The following ATP6V1G3 variants were observed in gnomAD, a reference collection of about 807,000 sequenced individuals.
The protein encoded by ATP6V1G3 is ATPase H+ transporting V1 subunit G3, also known as V-type proton ATPase subunit G 3.
A neutral mutation model predicts 9.3 loss-of-function variants in ATP6V1G3; 9 were observed. The observed-to-expected ratio is 0.97, with a 90% confidence interval of 0.59 to 1.69. ATP6V1G3 has a LOEUF of 1.69. Ranked by LOEUF, ATP6V1G3 falls within the 40% of genes most tolerant of loss-of-function variation. The probability of loss-of-function intolerance (pLI) is 0.00; values close to 1 mark genes in which losing one functional copy is unlikely to be tolerated. For synonymous variants in ATP6V1G3, 43 were observed against 43.8 expected, an observed-to-expected ratio of 0.98 and a Z score of 0.07; for missense variants, 133 against 139.0, an observed-to-expected ratio of 0.96 and a Z score of 0.22.
At chr1:198,532,903 G>A (rs1659961360) in intron 1 of ATP6V1G3, among the ~76,000 whole-genome samples, 1 of 152,140 alleles carries the variant, frequency 6.6e-6, no homozygotes, top group Non-Finnish European at 1.5e-5. Flanking sequence ...ATAGTAGCAC[G>A]ACCAGGTCAT....
intron 1 of ATP6V1G3, among the ~76,000 whole-genome samples, chr1:198,538,444 A>T (rs1322367890): frequency 1.3e-5 from 2 of 152,170 alleles, no homozygotes; most frequent in African/African-American, 4.8e-5. Context: ...ACTCGAAAAA[A>T]GGAGAAATAG....
chr1:198,535,285 C>T (rs1660062254), intron 1 of ATP6V1G3, among the ~76,000 whole-genome samples: 1 of 152,054 alleles, frequency 6.6e-6, no homozygotes, highest in African/African-American at 2.4e-5. Context: ...TATATAACAA[C>T]TTTTATTTTA....
At chr1:198,539,380 C>T (rs958993912) in intron 1 of ATP6V1G3, among the ~76,000 whole-genome samples, 2 of 152,092 alleles carry the variant, frequency 1.3e-5, no homozygotes, top group Non-Finnish European at 2.9e-5. Flanking sequence ...AAATATGGCC[C>T]CTGTTTTGCC....
chr1:198,538,689 G>T (rs1173367728), intron 1 of ATP6V1G3, among the ~76,000 whole-genome samples: 1 of 151,692 alleles, frequency 6.6e-6, no homozygotes, highest in African/African-American at 2.4e-5. Flanking sequence ...TGGATCTCTT[G>T]AGCTCAGGAG....
intron 2 of ATP6V1G3, among the ~76,000 whole-genome samples, chr1:198,524,740 G>A (rs78641455): frequency 1.1e-4 from 16 of 152,236 alleles, no homozygotes; most frequent in East Asian, 1.9e-4. Flanking sequence ...AACTCCTAAC[G>A]TATCTCCTTT....
At chr1:198,526,220 GCAGA>G (rs973829262) in intron 2 of ATP6V1G3, among the ~76,000 whole-genome samples, 1 of 152,096 alleles carries the variant, frequency 6.6e-6, no homozygotes, top group African/African-American at 2.4e-5. Flanking sequence ...CTTGATATCT[GCAGA>G]CAGAGTATTG....
At chr1:198,524,098 G>A (rs554759719) in intron 2 of ATP6V1G3, among the ~76,000 whole-genome samples, 2 of 150,304 alleles carry the variant, frequency 1.3e-5, no homozygotes, top group East Asian at 3.9e-4. Context: ...CACAATGTGC[G>A]CTCTAAGATA....
intron 2 of ATP6V1G3, among the ~76,000 whole-genome samples, chr1:198,527,189 T>G (rs1659688554): frequency 6.6e-6 from 1 of 152,170 alleles, no homozygotes; most frequent in South Asian, 2.1e-4. Context: ...TTAAGTGGAA[T>G]AGCAATATGC....
chr1:198,537,043 C>T (rs1660141825), intron 1 of ATP6V1G3, among the ~76,000 whole-genome samples: 1 of 152,120 alleles, frequency 6.6e-6, no homozygotes. Context: ...TACTACTTCC[C>T]AGTCTGACTT....
At chr1:198,533,655 G>A (rs1659997041) in intron 1 of ATP6V1G3, among the ~76,000 whole-genome samples, 1 of 152,168 alleles carries the variant, frequency 6.6e-6, no homozygotes, top group Non-Finnish European at 1.5e-5. Context: ...GAAGCAACGA[G>A]TGCTGGGAAT....
chr1:198,525,769 T>C (rs554560006), intron 2 of ATP6V1G3, among the ~76,000 whole-genome samples: 24 of 152,296 alleles, frequency 1.6e-4, no homozygotes, highest in African/African-American at 5.8e-4. Flanking sequence ...ACACTTCAAG[T>C]GCTTAGTAGC....
chr1:198,537,060 C>T (rs992037412), intron 1 of ATP6V1G3, among the ~76,000 whole-genome samples: 1 of 152,178 alleles, frequency 6.6e-6, no homozygotes, highest in Non-Finnish European at 1.5e-5. Flanking sequence ...ACTTCCGAAG[C>T]CTGTCCACAT....
intron 2 of ATP6V1G3, among the ~76,000 whole-genome samples, chr1:198,524,868 A>G (rs1659595711): frequency 6.6e-6 from 1 of 152,174 alleles, no homozygotes; most frequent in African/African-American, 2.4e-5. Flanking sequence ...AATCCAAGAT[A>G]CTCCAGTAAT....
At chr1:198,529,737 T>G (rs1486684865) in intron 1 of ATP6V1G3, among the ~76,000 whole-genome samples, 2 of 152,174 alleles carry the variant, frequency 1.3e-5, no homozygotes, top group African/African-American at 4.8e-5. Context: ...ATTTGTTGAC[T>G]CTACAATGTC....
Position 198,523,484 on chromosome 1 carries a change from G to A in ATP6V1G3, c.264C>T (p.Tyr88=). Residue 88 remains tyrosine, a synonymous_variant, in exon 3 of 3, where the codon TAC becomes TAT. Transcript: ENST00000367382. The part of the protein sequence containing the change: ...LGKIQELNGH[Y]NKYMESVMNQ... ...TCATCACACTTTCCATATACTTATT[G>A]TAGTGTCCATTAAGTTCTTGTATCT... The A allele has an allele frequency of 1.2e-6, 2 of 1,613,378 alleles. No homozygotes were observed. Among genetic ancestry groups the A allele is most frequent in the East Asian group, 2.2e-5 (1 of 44,796 alleles).
chr1:198,535,175 GC>G (rs1282886661), intron 1 of ATP6V1G3, among the ~76,000 whole-genome samples: 3 of 152,104 alleles, frequency 2.0e-5, no homozygotes, highest in Non-Finnish European at 4.4e-5. Flanking sequence ...AGAAATGAAA[GC>G]CCAATACACT....
Position 198,529,139 on chromosome 1 carries a change from A to G in ATP6V1G3, c.125T>C (p.Val42Ala). 1 of 1,460,152 alleles carries G rather than the reference A, an allele frequency of 6.8e-7. No homozygotes were observed. The highest frequency in any genetic ancestry group is 9.1e-7 in the Non-Finnish European group (1 of 1,097,142). The allele number at this position is 1,460,152 out of a possible 1,614,324, so 90.4% of individuals were successfully genotyped here. ...CTGCATTCTGTACTGGTCAATTTCT[A>G]CCATTGCTTCCTCCTTGGCTTGCTT... is the stretch of plus-strand genomic sequence containing the variant. ...RLKQAKEEAM[V>A]EIDQYRMQRD... Residue 42 changes from valine (V) to alanine (A), a missense_variant, in exon 2 of 3, where the codon GTA becomes GCA. By Grantham distance (64) the Val-to-Ala change is moderately conservative. Transcript: ENST00000367382.
intron 2 of ATP6V1G3, among the ~76,000 whole-genome samples, chr1:198,524,628 A>G (rs1248029176): frequency 6.6e-6 from 1 of 152,180 alleles, no homozygotes; most frequent in Non-Finnish European, 1.5e-5. Context: ...TTATCAAGGA[A>G]TGATTTGACC....
intron 1 of ATP6V1G3, among the ~76,000 whole-genome samples, chr1:198,539,574 T>G (rs1660263502): frequency 6.6e-6 from 1 of 152,210 alleles, no homozygotes; most frequent in African/African-American, 2.4e-5. Context: ...ATTGTGTAAA[T>G]TTTGTAAAGC....
Sources: allele counts gnomAD v4.1 joint callset (sites outside exome capture counted in the v4.1 genomes callset), GRCh38; gene constraint gnomAD v4.1.1; transcripts MANE v1.5; gene names NCBI Gene and HGNC (gene_info 2026-07-23, HGNC 2026-07-21).